The following EYA3 variants were observed in gnomAD, a reference collection of about 807,000 sequenced individuals.
EYA3 encodes the protein EYA transcriptional coactivator and phosphatase 3, also known as protein phosphatase EYA3.
Under a neutral mutation model 80.0 loss-of-function variants are expected in EYA3, and 39 were observed. The ratio of observed to expected loss-of-function variants is 0.49; its 90% CI spans 0.38 to 0.64. EYA3 has a LOEUF of 0.64. Among genes scored for constraint, EYA3 ranks in the 30% least tolerant of loss-of-function variants. The pLI is 0.00. For missense variants in EYA3, 523 were observed against 676.1 expected, an observed-to-expected ratio of 0.77 and a Z score of 2.51; for synonymous variants, 206 against 232.8, an observed-to-expected ratio of 0.88 and a Z score of 1.05.
At chr1:28,041,446 G>A (rs764555074) in intron 4 of EYA3, among the ~76,000 whole-genome samples, 5 of 151,988 alleles carry the variant, frequency 3.3e-5, no homozygotes, top group East Asian at 1.9e-4. Flanking sequence ...CCAGCTACTC[G>A]GGAGGCTGAG....
At chr1:27,999,569 T>G (rs890250489) in intron 12 of EYA3, among the ~76,000 whole-genome samples, 1 of 152,094 alleles carries the variant, frequency 6.6e-6, no homozygotes, top group Non-Finnish European at 1.5e-5. Flanking sequence ...GAATGTAAAA[T>G]GGAAGAAAAG....
rs1644493246 is a variant in EYA3 at position 28,058,050 on chromosome 1, A to G, written c.-24T>C. 1 of 1,559,674 alleles carries G rather than the reference A, an allele frequency of 6.4e-7. No homozygotes were observed. Among genetic ancestry groups the G allele is most frequent in the South Asian group, 1.2e-5 (1 of 82,400 alleles). Reference sequence around the variant, plus strand: ...ATGAGGACCAATATTTCTTTATTATACTTATGTGACTGGATTGCAAGTCTC... The same window carrying G: ...ATGAGGACCAATATTTCTTTATTATGCTTATGTGACTGGATTGCAAGTCTC... On this transcript the variant is annotated 5_prime_UTR_variant, in exon 2 of 18. Coordinates refer to ENST00000373871, the MANE Select transcript of EYA3 (RefSeq NM_001990.4).
At chr1:28,070,607 T>C (rs1644988498) in intron 1 of EYA3, among the ~76,000 whole-genome samples, 1 of 145,974 alleles carries the variant, frequency 6.9e-6, no homozygotes, top group Non-Finnish European at 1.5e-5. Flanking sequence ...AACACAACTG[T>C]ACATACAGCT....
At chr1:28,079,108 G>T (rs1645329480) in intron 1 of EYA3, among the ~76,000 whole-genome samples, 1 of 152,148 alleles carries the variant, frequency 6.6e-6, no homozygotes, top group Non-Finnish European at 1.5e-5. Flanking sequence ...ATGAGTATGA[G>T]TTAACACAAG....
chr1:28,004,520 T>C, intron 10 of EYA3, 101 bp from the exon 11 acceptor site: 2 of 806,370 alleles, frequency 2.5e-6, no homozygotes, highest in Non-Finnish European at 4.0e-6. Flanking sequence ...CATAAATATG[T>C]AGGAATTAAA....
intron 1 of EYA3, among the ~76,000 whole-genome samples, chr1:28,063,397 C>T (rs1644714818): frequency 7.6e-6 from 1 of 131,858 alleles, no homozygotes; most frequent in Non-Finnish European, 1.6e-5. Context: ...TGCTCTGTCA[C>T]CCAGGCTGGA....
chr1:28,005,502 C>A (rs1641198515), intron 10 of EYA3, among the ~76,000 whole-genome samples: 1 of 152,074 alleles, frequency 6.6e-6, no homozygotes, highest in Non-Finnish European at 1.5e-5. Flanking sequence ...TCGCTTGAGC[C>A]CAGGAGTTTG....
At chr1:27,981,590 G>C (rs1639304026) in intron 16 of EYA3, among the ~76,000 whole-genome samples, 1 of 151,978 alleles carries the variant, frequency 6.6e-6, no homozygotes, top group Non-Finnish European at 1.5e-5. Context: ...TACCAGCCTT[G>C]ACAACAAAGT....
intron 10 of EYA3, among the ~76,000 whole-genome samples, chr1:28,008,588 T>G (rs1641467119): frequency 6.6e-6 from 1 of 152,064 alleles, no homozygotes; most frequent in Non-Finnish European, 1.5e-5. Context: ...ATCTAGAATA[T>G]TCTAGAATAT....
At chr1:27,998,711 T>A (rs1224560816) in intron 12 of EYA3, among the ~76,000 whole-genome samples, 2 of 149,784 alleles carry the variant, frequency 1.3e-5, no homozygotes, top group Non-Finnish European at 3.0e-5. Flanking sequence ...CCATCTCTAT[T>A]ACTAAAAAAA....
intron 6 of EYA3, 36 bp downstream of exon 6, chr1:28,035,508 A>G (rs772687621): frequency 6.2e-7 from 1 of 1,600,176 alleles, no homozygotes; most frequent in South Asian, 1.1e-5. Flanking sequence ...AATAAAATCA[A>G]CATTCTTAGA....
In EYA3 at chr1:27,998,571, A is replaced by C. The variant is rs72656576; in HGVS notation, c.1084-1193T>G. ...GAGTAGAACAGACGTTTATTTTAAA[A>C]GAGATGGGATTACTTTGTGTTGGCT... On this transcript the variant is annotated intron_variant, in intron 12 of 17. Transcript: ENST00000373871. Among the ~76,000 whole-genome samples, 1,401 of 152,258 alleles carry C rather than the reference A, an allele frequency of 9.2e-3. 10 individuals carry two copies. The highest frequency in any genetic ancestry group is 0.017 in the African/African-American group (701 of 41,554).
intron 1 of EYA3, among the ~76,000 whole-genome samples, chr1:28,077,486 G>A (rs749168425): frequency 1.3e-5 from 2 of 152,088 alleles, no homozygotes; most frequent in Non-Finnish European, 2.9e-5. Context: ...AGAAGGAGGA[G>A]GTTAACCTGA....
chr1:28,029,380 G>T (rs1221212986), intron 6 of EYA3, among the ~76,000 whole-genome samples: 1 of 152,032 alleles, frequency 6.6e-6, no homozygotes, highest in Non-Finnish European at 1.5e-5. Flanking sequence ...TGATTTTTAG[G>T]TTCTAATTTC....
intron 7 of EYA3, among the ~76,000 whole-genome samples, chr1:28,021,733 T>C (rs1369050858): frequency 6.6e-6 from 1 of 151,514 alleles, no homozygotes; most frequent in African/African-American, 2.4e-5. Flanking sequence ...CCTCCCCGAG[T>C]AGCTGGGATT....
At chr1:28,047,639 C>CTTTT (rs370957666) in intron 3 of EYA3, among the ~76,000 whole-genome samples, 3 of 133,220 alleles carry the variant, frequency 2.3e-5, no homozygotes, top group Non-Finnish European at 3.2e-5. Context: ...CCTCTTTTCT[C>CTTTT]TTTTTTTTTT....
chr1:28,029,041 C>G (rs1384745949), intron 6 of EYA3, among the ~76,000 whole-genome samples: 3 of 152,158 alleles, frequency 2.0e-5, no homozygotes, highest in African/African-American at 7.2e-5. Flanking sequence ...ACATAGTGTA[C>G]ATAATTTGCT....
At chr1:28,076,737 CTTTTTTTTTTTTTTT>C (rs1024335865) in intron 1 of EYA3, among the ~76,000 whole-genome samples, 13 of 115,108 alleles carry the variant, frequency 1.1e-4, no homozygotes, top group Non-Finnish European at 2.4e-4. Context: ...TTTATAATTT[CTTTTTTTTTTTTTTT>C]TTTTTGAGAC....
rs1444724901 is a variant in EYA3, at chr1:28,035,673, C to T, written c.232G>A (p.Ala78Thr). 1 of 1,610,486 alleles carries T rather than the reference C, an allele frequency of 6.2e-7. No homozygotes were observed. The highest frequency in any genetic ancestry group is 1.7e-5 in the Admixed American group (1 of 58,972). Residue 78 changes from alanine to threonine, a missense_variant, in exon 6 of 18, where the codon GCA becomes ACA. Ala to Thr is a moderately conservative substitution (Grantham distance 58, BLOSUM62 0). Transcript: ENST00000373871. ...TSQMYSAKPYAHILSVPVSET... is the reference protein window; with the variant it reads ...TSQMYSAKPYTHILSVPVSET... ...GAAACAGGAACTGAGAGAATATGTG[C>T]ATAAGGTCTGGAAAATTTCATGAAA...
Sources: gnomAD v4.1 joint callset for allele counts (sites outside exome capture counted in the v4.1 genomes callset) on GRCh38, gnomAD v4.1.1 for gene constraint, MANE v1.5 for transcripts, NCBI Gene and HGNC (gene_info 2026-07-23, HGNC 2026-07-21) for gene names.